AGBL1: variants seen among roughly 807,000 people sequenced by gnomAD.
The protein encoded by AGBL1 is AGBL carboxypeptidase 1.
AGBL1 carries 130 observed loss-of-function variants against 118.9 expected under a neutral mutation model. The observed-to-expected ratio is 1.09, with a 90% CI of 0.95 to 1.26. The LOEUF is 1.26. Among genes scored for constraint, AGBL1 ranks in the 50% most tolerant of loss-of-function variants. The pLI is 0.00. For missense variants in AGBL1, 1,584 were observed against 1,298.1 expected (o/e 1.22, Z -3.38); for synonymous variants, 555 against 478.9 (o/e 1.16, Z -2.08).
At chr15:86,894,521 C>T (rs187410113) in intron 22 of AGBL1, among the ~76,000 whole-genome samples, 49 of 152,268 alleles carry the variant, frequency 3.2e-4, no homozygotes, top group Admixed American at 8.5e-4. Flanking sequence ...CTCCTGGACA[C>T]GGGCTGTGTT....
At chr15:86,717,218 G>A (rs2086651702) in intron 22 of AGBL1, among the ~76,000 whole-genome samples, 1 of 152,178 alleles carries the variant, frequency 6.6e-6, no homozygotes, top group South Asian at 2.1e-4. Flanking sequence ...AGAACAAGGA[G>A]AAGGAGTGGG....
intron 22 of AGBL1, among the ~76,000 whole-genome samples, chr15:86,837,392 CA>C (rs1369808332): frequency 6.6e-6 from 1 of 152,114 alleles, no homozygotes; most frequent in Non-Finnish European, 1.5e-5. Flanking sequence ...CAAGGGTCAC[CA>C]AATTACAGCC....
chr15:86,434,358 G>A (rs755978324), intron 18 of AGBL1, among the ~76,000 whole-genome samples: 1 of 152,216 alleles, frequency 6.6e-6, no homozygotes, highest in Non-Finnish European at 1.5e-5. Context: ...CAGCTGTAGA[G>A]TATATTGTTT....
At chr15:86,200,254 A>G (rs1339214711) in intron 5 of AGBL1, among the ~76,000 whole-genome samples, 1 of 152,224 alleles carries the variant, frequency 6.6e-6, no homozygotes, top group Non-Finnish European at 1.5e-5. Flanking sequence ...ATACATAAAA[A>G]AAGAAAAAGA....
At chr15:86,411,422 G>A (rs534501357) in intron 18 of AGBL1, among the ~76,000 whole-genome samples, 9 of 152,234 alleles carry the variant, frequency 5.9e-5, no homozygotes, top group African/African-American at 2.2e-4. Context: ...GGATCACTCT[G>A]CCTGGCAGTC....
At chr15:86,587,785 A>G (rs1179346620) in intron 21 of AGBL1, among the ~76,000 whole-genome samples, 1 of 152,216 alleles carries the variant, frequency 6.6e-6, no homozygotes, top group Non-Finnish European at 1.5e-5. Flanking sequence ...AGATGCTGCC[A>G]TGAGAACCCA....
intron 21 of AGBL1, among the ~76,000 whole-genome samples, chr15:86,611,998 C>T (rs532857012): frequency 1.3e-5 from 2 of 152,088 alleles, no homozygotes; most frequent in Admixed American, 1.3e-4. Context: ...TTGTTTTGAG[C>T]CCAGTTCAAA....
intron 24 of AGBL1, among the ~76,000 whole-genome samples, chr15:87,024,512 G>A (rs2081704818): frequency 6.6e-6 from 1 of 151,740 alleles, no homozygotes; most frequent in South Asian, 2.1e-4. Context: ...ACAAGTTCAG[G>A]ACCAGACAGA....
chr15:86,860,861 G>A (rs1399208415), intron 22 of AGBL1, among the ~76,000 whole-genome samples: 2 of 152,076 alleles, frequency 1.3e-5, no homozygotes, highest in African/African-American at 4.8e-5. Flanking sequence ...TGGGCAGAAA[G>A]CAATAAGGAG....
intron 23 of AGBL1, among the ~76,000 whole-genome samples, chr15:86,971,773 C>T (rs987279269): frequency 1.3e-5 from 2 of 151,936 alleles, no homozygotes; most frequent in African/African-American, 2.4e-5. Context: ...ACCAAAATCT[C>T]ATCTTGAATT....
At chr15:86,338,646 G>A (rs1330695281) in intron 17 of AGBL1, among the ~76,000 whole-genome samples, 3 of 152,152 alleles carry the variant, frequency 2.0e-5, no homozygotes, top group African/African-American at 7.2e-5. Flanking sequence ...CAGAACAACA[G>A]ATTTTGCTAT....
chr15:86,382,080 C>T (rs1337946218), intron 17 of AGBL1, among the ~76,000 whole-genome samples: 1 of 152,156 alleles, frequency 6.6e-6, no homozygotes, highest in East Asian at 1.9e-4. Flanking sequence ...CCCCACCGCC[C>T]TGCCACATTT....
intron 5 of AGBL1, among the ~76,000 whole-genome samples, chr15:86,223,938 G>A (rs1158622405): frequency 6.6e-6 from 1 of 152,150 alleles, no homozygotes; most frequent in African/African-American, 2.4e-5. Flanking sequence ...AGATTCTGGA[G>A]AACAACAGAT....
At chr15:86,735,300 T>C (rs1040421906) in intron 22 of AGBL1, among the ~76,000 whole-genome samples, 1 of 151,962 alleles carries the variant, frequency 6.6e-6, no homozygotes, top group Non-Finnish European at 1.5e-5. Context: ...AGGATGGTTT[T>C]GAACTCCTGA....
chr15:86,805,765 G>T (rs1343063879), intron 22 of AGBL1, among the ~76,000 whole-genome samples: 1 of 152,010 alleles, frequency 6.6e-6, no homozygotes, highest in Non-Finnish European at 1.5e-5. Flanking sequence ...TACAGGATAG[G>T]CATTGACAGT....
chr15:86,862,655 G>C (rs2079574656), intron 22 of AGBL1, among the ~76,000 whole-genome samples: 2 of 152,156 alleles, frequency 1.3e-5, no homozygotes, highest in South Asian at 4.1e-4. Context: ...GGGAGGCAAA[G>C]GTCACAGTGA....
intron 18 of AGBL1, among the ~76,000 whole-genome samples, chr15:86,493,669 C>T (rs1021105028): frequency 6.6e-6 from 1 of 152,032 alleles, no homozygotes; most frequent in Non-Finnish European, 1.5e-5. Context: ...CACTTTCTTC[C>T]GTAATGCTGT....
chr15:86,852,968 A>G (rs1000737528), intron 22 of AGBL1, among the ~76,000 whole-genome samples: 2 of 152,172 alleles, frequency 1.3e-5, no homozygotes, highest in Non-Finnish European at 2.9e-5. Flanking sequence ...TCCCAGGTGA[A>G]TCATTTGTGG....
At chr15:86,630,070 G>A (rs748045171) in intron 21 of AGBL1, among the ~76,000 whole-genome samples, 2 of 152,238 alleles carry the variant, frequency 1.3e-5, no homozygotes, top group African/African-American at 2.4e-5. Flanking sequence ...GTGCTTTGAA[G>A]AGGATGAAAA....
Sources: gnomAD v4.1 joint callset for allele counts (sites outside exome capture counted in the v4.1 genomes callset) on GRCh38, gnomAD v4.1.1 for gene constraint, MANE v1.5 for transcripts, NCBI Gene and HGNC (gene_info 2026-07-23, HGNC 2026-07-21) for gene names.